Variants in TTLL11 observed in about 807,000 individuals in gnomAD.
The protein encoded by TTLL11 is tubulin polyglutamylase TTLL11.
In TTLL11, 42 loss-of-function variants were observed where a neutral mutation model predicts 51.7. The ratio of observed to expected loss-of-function variants is 0.81; its 90% confidence interval spans 0.64 to 1.05. The LOEUF is 1.05. Among genes scored for constraint, TTLL11 ranks in the 50% least tolerant of loss-of-function variants. TTLL11 has a pLI of 0.00. For missense variants in TTLL11, 799 were observed against 940.4 expected (o/e 0.85, Z 1.97); for synonymous variants, 381 against 383.5 (o/e 0.99, Z 0.08).
At chr9:121,955,389 CT>C (rs1371334843) in intron 6 of TTLL11, among the ~76,000 whole-genome samples, 1 of 152,148 alleles carries the variant, frequency 6.6e-6, no homozygotes, top group African/African-American at 2.4e-5. Flanking sequence ...GTGATAGGGA[CT>C]TTATATGAGG....
intron 6 of TTLL11, among the ~76,000 whole-genome samples, chr9:121,876,617 T>C (rs1237747666): frequency 6.6e-6 from 1 of 151,674 alleles, no homozygotes; most frequent in Non-Finnish European, 1.5e-5. Flanking sequence ...TGGTAGATTT[T>C]GAGGAGAGGA....
chr9:121,925,003 C>T (rs1840671698), intron 6 of TTLL11, among the ~76,000 whole-genome samples: 1 of 152,108 alleles, frequency 6.6e-6, no homozygotes, highest in Non-Finnish European at 1.5e-5. Context: ...TTTAATCCAA[C>T]AATATCATCT....
chr9:122,089,754 A>AG (rs1467995932), intron 1 of TTLL11, among the ~76,000 whole-genome samples: 1 of 152,178 alleles, frequency 6.6e-6, no homozygotes, highest in Admixed American at 6.5e-5. Flanking sequence ...GCCTAATAGT[A>AG]GAGTCTTATT....
chr9:121,923,304 T>C lies in TTLL11; in HGVS notation c.1481+50705A>G, dbSNP rs527814919. 1.8e-4 allele frequency among the ~76,000 whole-genome samples: 28 copies of C among 152,296 alleles called. No individual in the cohort carries two copies. In the South Asian group the frequency reaches 5.6e-3, roughly 30 times the overall value. ...GTGCGGAAAAGTTTATGCCATAATA[T>C]CATCCAAAAGCCGGTAGAACTCGAA... On this transcript the variant is annotated intron_variant, in intron 6 of 8. Coordinates refer to ENST00000321582, the MANE Select transcript of TTLL11 (RefSeq NM_001139442.2).
At chr9:122,012,663 TACACACACACACACGCACACAC>T (rs1420922836) in intron 3 of TTLL11, among the ~76,000 whole-genome samples, 2 of 74,010 alleles carry the variant, frequency 2.7e-5, no homozygotes, top group Non-Finnish European at 6.5e-5. Context: ...AAAATACACA[TACACACACACACACGCACACAC>T]ACACACACAC....
chr9:121,896,584 A>G (rs910278749), intron 6 of TTLL11, among the ~76,000 whole-genome samples: 1 of 152,202 alleles, frequency 6.6e-6, no homozygotes, highest in Non-Finnish European at 1.5e-5. Flanking sequence ...GGGTCGGGAC[A>G]TAAGTCAGGA....
intron 7 of TTLL11, among the ~76,000 whole-genome samples, chr9:121,863,791 C>T (rs937218964): frequency 6.6e-6 from 1 of 152,212 alleles, no homozygotes; most frequent in Non-Finnish European, 1.5e-5. Context: ...GATCCCATTT[C>T]AATGAAGCGT....
At chr9:121,892,488 T>C (rs984582612) in intron 6 of TTLL11, among the ~76,000 whole-genome samples, 11 of 152,096 alleles carry the variant, frequency 7.2e-5, no homozygotes, top group Non-Finnish European at 1.6e-4. Context: ...TCGTGAAACT[T>C]ATTCACTACC....
chr9:122,030,104 C>A (rs546782718), intron 3 of TTLL11, among the ~76,000 whole-genome samples: 6 of 148,804 alleles, frequency 4.0e-5, no homozygotes, highest in African/African-American at 1.2e-4. Flanking sequence ...AATGTGTGCC[C>A]GTCAAGTGAC....
intron 1 of TTLL11, among the ~76,000 whole-genome samples, chr9:122,070,119 CAT>C (rs537893576): frequency 1.5e-3 from 232 of 152,108 alleles, no homozygotes; most frequent in African/African-American, 5.3e-3. Flanking sequence ...TGAAGAGCAA[CAT>C]ATAGAGGGAG....
At chr9:122,042,006 T>C (rs1351713479) in intron 1 of TTLL11, among the ~76,000 whole-genome samples, 1 of 140,712 alleles carries the variant, frequency 7.1e-6, no homozygotes, top group Non-Finnish European at 1.5e-5. Flanking sequence ...GGAGTTCTCA[T>C]ACTTCCTTTT....
chr9:121,851,848 C>A (rs1478677051), intron 8 of TTLL11, among the ~76,000 whole-genome samples: 4 of 152,186 alleles, frequency 2.6e-5, no homozygotes, highest in Non-Finnish European at 5.9e-5. Context: ...GGGGGGGAAG[C>A]CCTCACAGCC....
At chr9:121,983,334 C>A (rs1588175203) in intron 4 of TTLL11, among the ~76,000 whole-genome samples, 1 of 152,120 alleles carries the variant, frequency 6.6e-6, no homozygotes, top group African/African-American at 2.4e-5. Context: ...TATTAACTAT[C>A]CAAGTAGAAA....
At chr9:122,041,898 T>C (rs1231840654) in intron 1 of TTLL11, among the ~76,000 whole-genome samples, 1 of 151,872 alleles carries the variant, frequency 6.6e-6, no homozygotes, top group Non-Finnish European at 1.5e-5. Context: ...CCCAATAACT[T>C]TTTTTCAAAA....
At chr9:122,018,037 G>T (rs12347318) in intron 3 of TTLL11, among the ~76,000 whole-genome samples, 6,633 of 151,486 alleles carry the variant, frequency 0.044, 173 homozygotes, top group African/African-American at 0.074. Context: ...ACTTTCACAT[G>T]CCTATACTAA....
At chr9:121,889,764 C>T (rs1402743864) in intron 6 of TTLL11, among the ~76,000 whole-genome samples, 1 of 152,056 alleles carries the variant, frequency 6.6e-6, no homozygotes, top group Non-Finnish European at 1.5e-5. Context: ...GCAGGGCATG[C>T]GGGCGTTTGC....
chr9:121,864,672 C>A (rs940855294), intron 7 of TTLL11, among the ~76,000 whole-genome samples: 1 of 152,206 alleles, frequency 6.6e-6, no homozygotes, highest in Non-Finnish European at 1.5e-5. Flanking sequence ...TCCCATCCTT[C>A]CTCTCTGATG....
intron 6 of TTLL11, among the ~76,000 whole-genome samples, chr9:121,938,292 AAG>A (rs1369235998): frequency 6.6e-6 from 1 of 151,456 alleles, no homozygotes; most frequent in Admixed American, 6.6e-5. Context: ...CTGTCTCAAA[AAG>A]AAAAAAAAAA....
rs552321509 is a variant in TTLL11, at chr9:121,844,644, A to G, written c.1840+15693T>C. Among the ~76,000 whole-genome samples, 27 of 152,330 alleles carry G rather than the reference A, an allele frequency of 1.8e-4. No individual in the cohort carries two copies. The East Asian group carries it at 4.6e-3, about 26-fold the overall frequency. ...AAAAGTAGGCAACATTCAAGAACAG[A>G]TGGAAAATGTAAGGAGAAATGGAAA... On this transcript the variant is annotated intron_variant, in intron 8 of 8. Coordinates refer to ENST00000321582, the MANE Select transcript of TTLL11 (RefSeq NM_001139442.2).
Sources: gnomAD v4.1 joint callset for allele counts (sites outside exome capture counted in the v4.1 genomes callset) on GRCh38, gnomAD v4.1.1 for gene constraint, MANE v1.5 for transcripts, NCBI Gene and HGNC (gene_info 2026-07-23, HGNC 2026-07-21) for gene names.